Variants in SLC9A7 observed in about 807,000 individuals in gnomAD.
SLC9A7 encodes sodium/hydrogen exchanger 7.
A neutral mutation model predicts 52.6 loss-of-function variants in SLC9A7; 19 were observed. The ratio of observed to expected loss-of-function variants is 0.36; its 90% CI spans 0.25 to 0.53. The LOEUF is 0.53. Among genes scored for constraint, SLC9A7 ranks in the 20% least tolerant of loss-of-function variants. SLC9A7 has a pLI of 0.91. For synonymous variants in SLC9A7, 226 were observed against 252.1 expected (o/e 0.90, Z 0.98); for missense variants, 455 against 597.9 (o/e 0.76, Z 2.49).
At chrX:46,701,960 C>T in intron 1 of SLC9A7, among the ~76,000 whole-genome samples, 1 of 111,751 alleles carries the variant, frequency 8.9e-6, no homozygotes, top group East Asian at 2.8e-4. Context: ...CTTCGATTCC[C>T]ATACCCCATT....
chrX:46,744,993 C>G (rs964343430), intron 1 of SLC9A7, among the ~76,000 whole-genome samples: 2 of 109,126 alleles, frequency 1.8e-5, no homozygotes, highest in Non-Finnish European at 3.8e-5. Flanking sequence ...GTAGACAGCT[C>G]CAAACTCCCA....
intron 1 of SLC9A7, among the ~76,000 whole-genome samples, chrX:46,753,627 C>T (rs1333740001): frequency 2.7e-5 from 3 of 111,911 alleles, no homozygotes; most frequent in Non-Finnish European, 3.8e-5. Context: ...TATATTGCAA[C>T]ATGCTAGCAC....
chrX:46,648,361 C>A (rs746871450), intron 11 of SLC9A7, among the ~76,000 whole-genome samples: 2 of 111,648 alleles, frequency 1.8e-5, no homozygotes, highest in South Asian at 3.8e-4. Context: ...AGAGCTGGTG[C>A]CCTTCAGGAA....
rs763331791 is a variant in SLC9A7, at chrX:46,690,034, G to C, written c.326-7499C>G. On this transcript the variant is annotated intron_variant, in intron 1 of 16. Transcript: ENST00000616978. ...CCATTCTATCAAAGAAATACCATTT[G>C]ACCCAGCAATCCCATTACTGGGTAT... Among the ~76,000 whole-genome samples the C allele has an allele frequency of 5.4e-5, 6 of 111,670 alleles. No individual in the cohort carries two copies. In the East Asian group the frequency reaches 1.7e-3, roughly 31 times the overall value.
intron 13 of SLC9A7, among the ~76,000 whole-genome samples, chrX:46,632,301 AG>A (rs1420415047): frequency 1.8e-5 from 2 of 112,117 alleles, no homozygotes; most frequent in African/African-American, 3.2e-5. Context: ...TCAGGCTCCT[AG>A]GAATTCACTT....
intron 14 of SLC9A7, 61 bp downstream of exon 14, chrX:46,631,525 G>T: frequency 1.1e-6 from 1 of 938,232 alleles, no homozygotes; most frequent in Non-Finnish European, 1.5e-6. Flanking sequence ...TAGGTAAAGT[G>T]CCTGGCATGT....
intron 1 of SLC9A7, among the ~76,000 whole-genome samples, chrX:46,709,516 G>A (rs893675223): frequency 1.8e-5 from 2 of 111,538 alleles, no homozygotes; most frequent in Non-Finnish European, 3.8e-5. Context: ...TCTGCCAGCA[G>A]TTACTTTTTT....
intron 1 of SLC9A7, among the ~76,000 whole-genome samples, chrX:46,742,163 T>C (rs992782087): frequency 4.5e-5 from 5 of 111,748 alleles, no homozygotes; most frequent in Non-Finnish European, 7.5e-5. Flanking sequence ...AACTCTTACA[T>C]GTTGCTAGAT....
At chrX:46,712,879 C>T (rs1180444175) in intron 1 of SLC9A7, among the ~76,000 whole-genome samples, 1 of 111,395 alleles carries the variant, frequency 9.0e-6, no homozygotes, top group East Asian at 2.8e-4. Flanking sequence ...TTTGTAAAGC[C>T]TTTAAGATGC....
At chrX:46,653,527 T>C in intron 8 of SLC9A7, 82 bp downstream of exon 8, 1 of 625,650 alleles carries the variant, frequency 1.6e-6, no homozygotes, top group Admixed American at 2.9e-5. Context: ...AGCTGTTATC[T>C]AAGAATTCTT....
intron 1 of SLC9A7, among the ~76,000 whole-genome samples, chrX:46,683,351 G>A (rs1944244110): frequency 9.0e-6 from 1 of 111,238 alleles, no homozygotes; most frequent in Admixed American, 9.6e-5. Context: ...ACACATCAGA[G>A]GAAAGGGGAG....
chrX:46,646,807 C>A, intron 11 of SLC9A7: 1 of 336,921 alleles, frequency 3.0e-6, no homozygotes, highest in South Asian at 3.2e-5. Context: ...TAATCAGTAC[C>A]CATTTCCCCT....
intron 1 of SLC9A7, among the ~76,000 whole-genome samples, chrX:46,754,818 A>G (rs1272054705): frequency 8.9e-6 from 1 of 112,445 alleles, no homozygotes; most frequent in Non-Finnish European, 1.9e-5. Context: ...CTGAGAGAGA[A>G]CCACAATGAA....
At position 46,606,649 on chromosome X, in the gene SLC9A7, C is replaced by T; in HGVS notation, c.*303G>A. On this transcript the variant is annotated 3_prime_UTR_variant, in exon 17 of 17. Transcript: ENST00000616978. Reference sequence around the variant, plus strand: ...CCTGCCTCGCCTTGTTCAGATACTGCAGGTGAATGAATTAGGAGACCATTA... The same window carrying T: ...CCTGCCTCGCCTTGTTCAGATACTGTAGGTGAATGAATTAGGAGACCATTA... 1.0e-6 allele frequency: 1 copy of T among 966,991 alleles called. No homozygotes were observed. The highest frequency in any genetic ancestry group is 1.3e-6 in the Non-Finnish European group (1 of 770,125). The allele number at this position is 966,991 out of a possible 1,213,427, so 79.7% of individuals were successfully genotyped here.
At chrX:46,614,368 T>C (rs773715545) in intron 15 of SLC9A7, among the ~76,000 whole-genome samples, 9 of 111,984 alleles carry the variant, frequency 8.0e-5, no homozygotes, top group African/African-American at 2.3e-4. Flanking sequence ...TCATGTAATT[T>C]ATTACATACT....
chrX:46,747,407 T>G (rs750459478), intron 1 of SLC9A7, among the ~76,000 whole-genome samples: 6 of 111,937 alleles, frequency 5.4e-5, no homozygotes, highest in African/African-American at 1.9e-4. Context: ...ACCTCAAAAC[T>G]ATGTACATCT....
chrX:46,713,055 T>C (rs995712326), intron 1 of SLC9A7, among the ~76,000 whole-genome samples: 7 of 112,704 alleles, frequency 6.2e-5, no homozygotes, highest in African/African-American at 1.3e-4. Context: ...TTGTGTGCTA[T>C]TTAATTCTCA....
At chrX:46,634,538 A>G (rs1275464944) in intron 13 of SLC9A7, among the ~76,000 whole-genome samples, 1 of 111,636 alleles carries the variant, frequency 9.0e-6, no homozygotes, top group Admixed American at 9.5e-5. Flanking sequence ...CTTGAACACC[A>G]TATCATAATC....
chrX:46,629,304 C>T (rs1362849934), intron 14 of SLC9A7, among the ~76,000 whole-genome samples: 1 of 112,039 alleles, frequency 8.9e-6, no homozygotes, highest in African/African-American at 3.2e-5. Flanking sequence ...CCAGGCCCAT[C>T]CAGGGAGGTT....
Sources: gnomAD v4.1 joint callset for allele counts (sites outside exome capture counted in the v4.1 genomes callset) on GRCh38, gnomAD v4.1.1 for gene constraint, MANE v1.5 for transcripts, NCBI Gene and HGNC (gene_info 2026-07-23, HGNC 2026-07-21) for gene names.